Variants in CDH22 observed in about 807,000 individuals in gnomAD.
The protein encoded by CDH22 is cadherin 22.
A neutral mutation model predicts 58.4 loss-of-function variants in CDH22; 30 were observed. The ratio of observed to expected loss-of-function variants is 0.51; its 90% CI spans 0.38 to 0.70. The LOEUF is 0.70. Among genes scored for constraint, CDH22 ranks in the 30% least tolerant of loss-of-function variants. The probability of loss-of-function intolerance (pLI) is 0.00; values close to 1 mark genes in which losing one functional copy is unlikely to be tolerated. For missense variants in CDH22, 1,014 were observed against 1,233.9 expected (o/e 0.82, Z 2.67); for synonymous variants, 513 against 558.2 (o/e 0.92, Z 1.14).
chr20:46,259,099 C>T (rs1452686386), intron 1 of CDH22, among the ~76,000 whole-genome samples: 1 of 152,204 alleles, frequency 6.6e-6, no homozygotes, highest in Non-Finnish European at 1.5e-5. Context: ...TAGAGACATC[C>T]ATTCCTTAAT....
At chr20:46,246,492 G>C (rs529608040) in intron 2 of CDH22, among the ~76,000 whole-genome samples, 1 of 152,280 alleles carries the variant, frequency 6.6e-6, no homozygotes, top group Admixed American at 6.5e-5. Flanking sequence ...GGAAATTATA[G>C]TTCGGAAAAC....
chr20:46,307,937 G>A (rs976554088), intron 1 of CDH22, among the ~76,000 whole-genome samples: 5 of 151,762 alleles, frequency 3.3e-5, no homozygotes, highest in African/African-American at 1.2e-4. Flanking sequence ...CTCGGCCCGC[G>A]GGGGTCCCGG....
intron 7 of CDH22, among the ~76,000 whole-genome samples, chr20:46,208,785 G>T (rs1395062366): frequency 6.6e-6 from 1 of 152,054 alleles, no homozygotes; most frequent in Admixed American, 6.5e-5. Context: ...TAGAGACGGG[G>T]TTTCACCATG....
chr20:46,196,114 G>A (rs910941488), intron 8 of CDH22, among the ~76,000 whole-genome samples: 4 of 152,180 alleles, frequency 2.6e-5, no homozygotes, highest in African/African-American at 7.2e-5. Flanking sequence ...CTGGGAAGCC[G>A]GAGGTCTTGG....
At chr20:46,277,911 G>A (rs566569437) in intron 1 of CDH22, among the ~76,000 whole-genome samples, 6 of 152,150 alleles carry the variant, frequency 3.9e-5, no homozygotes. Context: ...GAGGAAGGCA[G>A]GGCCGAGGGA....
intron 1 of CDH22, among the ~76,000 whole-genome samples, chr20:46,266,883 T>C (rs2086462766): frequency 6.6e-6 from 1 of 150,774 alleles, no homozygotes; most frequent in Non-Finnish European, 1.5e-5. Context: ...AGGATGATAA[T>C]AGTACTAACA....
In CDH22 at chr20:46,227,592, C is replaced by T. The variant is rs1338852723; in HGVS notation, c.586G>A (p.Asp196Asn). The T allele has an allele frequency of 6.2e-7, 1 of 1,613,044 alleles. No homozygotes were observed. ...GCGCTGCTGCCGTACGTGGGGTCATCCGCATCCGAGGCCATCACCTGCATC... is the reference window on the plus strand; with the variant it reads ...GCGCTGCTGCCGTACGTGGGGTCATTCGCATCCGAGGCCATCACCTGCATC... ...SVMQVMASDA[D>N]DPTYGSSARL... Residue 196 changes from aspartate to asparagine, a missense_variant, in exon 4 of 12, where the codon GAT becomes AAT. This residue lies in a region of CDH22 where 806 missense variants were observed against 1,038.7 expected (regional missense o/e 0.78). Coordinates refer to ENST00000537909, the MANE Select transcript of CDH22 (RefSeq NM_021248.3).
intron 1 of CDH22, among the ~76,000 whole-genome samples, chr20:46,264,077 G>T (rs917048590): frequency 6.6e-6 from 1 of 152,192 alleles, no homozygotes; most frequent in African/African-American, 2.4e-5. Flanking sequence ...GAGACATCAA[G>T]AGTGACTCCC....
At position 46,279,222 on chromosome 20, in the gene CDH22, A is replaced by G. The variant is rs576516601; in HGVS notation, c.-399-27529T>C. Among the ~76,000 whole-genome samples the G allele has an allele frequency of 2.0e-5, 3 of 152,346 alleles. No individual in the cohort carries two copies. The South Asian group carries it at 6.2e-4, about 32-fold the overall frequency. The stretch of plus-strand genomic sequence containing the variant: ...AGCTCGGTATATTATAACTATTATC[A>G]TAATTAATAAGCCCCACCCTGGTCC... On this transcript the variant is annotated intron_variant, in intron 1 of 11. Coordinates refer to ENST00000537909, the MANE Select transcript of CDH22 (RefSeq NM_021248.3).
rs1600700932 is a variant in CDH22 at position 46,216,724 on chromosome 20, T to C, written c.838+102A>G. 4.5e-6 allele frequency: 5 copies of C among 1,114,912 alleles called. No individual in the cohort carries two copies. The highest frequency in any genetic ancestry group is 6.5e-6 in the Non-Finnish European group (5 of 763,574). The allele number at this position is 1,114,912 out of a possible 1,614,324, so 69.1% of individuals were successfully genotyped here. A position where few individuals can be genotyped will look rare whatever the true frequency, so the allele number is the denominator to read the frequency against. ...ACAGAAAGAGAGGGGGAAGCCCTTC[T>C]TTTGGTGGGAAGTCTAAAGGGAAGC... On this transcript the variant is annotated intron_variant, in intron 5 of 11. Coordinates refer to ENST00000537909, the MANE Select transcript of CDH22 (RefSeq NM_021248.3). This position sits in a 1 kb window ranked among gnomAD's most constrained non-coding sequence, Gnocchi z 5.3.
At chr20:46,181,749 TTCC>T (rs1165212921) in intron 10 of CDH22, among the ~76,000 whole-genome samples, 10 of 94,804 alleles carry the variant, frequency 1.1e-4, no homozygotes, top group East Asian at 7.2e-4. Context: ...CCTTCCTTCC[TTCC>T]TTCTTTCTTT....
At chr20:46,181,127 G>A (rs113204229) in intron 10 of CDH22, among the ~76,000 whole-genome samples, 22 of 152,072 alleles carry the variant, frequency 1.4e-4, no homozygotes, top group African/African-American at 4.6e-4. Flanking sequence ...CATGCTAGTC[G>A]CCATGAGAAA....
intron 1 of CDH22, among the ~76,000 whole-genome samples, chr20:46,304,196 G>A (rs1392905065): frequency 6.6e-6 from 1 of 152,148 alleles, no homozygotes; most frequent in Non-Finnish European, 1.5e-5. Flanking sequence ...TTCCCCTCCT[G>A]CAGGGGTGCA....
intron 3 of CDH22, among the ~76,000 whole-genome samples, chr20:46,235,171 T>C (rs2086244339): frequency 6.6e-6 from 1 of 152,254 alleles, no homozygotes; most frequent in Non-Finnish European, 1.5e-5. Context: ...AATTTCTCAT[T>C]TCTGTCTTCA....
chr20:46,281,918 C>A (rs188872842), intron 1 of CDH22, among the ~76,000 whole-genome samples: 1 of 152,298 alleles, frequency 6.6e-6, no homozygotes, highest in African/African-American at 2.4e-5. Flanking sequence ...ATGTCTGATG[C>A]GGGTGCTACT....
At chr20:46,272,947 G>T (rs1375896403) in intron 1 of CDH22, among the ~76,000 whole-genome samples, 2 of 152,184 alleles carry the variant, frequency 1.3e-5, no homozygotes, top group African/African-American at 2.4e-5. Flanking sequence ...ATCTGCATAT[G>T]GCTGTGGGTG....
chr20:46,189,604 A>G (rs1368582516), intron 8 of CDH22, among the ~76,000 whole-genome samples: 2 of 152,186 alleles, frequency 1.3e-5, no homozygotes, highest in Non-Finnish European at 2.9e-5. Flanking sequence ...TGAGACCCCC[A>G]TTATAGCACC....
At chr20:46,226,093 T>TC (rs1194227513) in intron 4 of CDH22, among the ~76,000 whole-genome samples, 1 of 151,882 alleles carries the variant, frequency 6.6e-6, no homozygotes, top group African/African-American at 2.4e-5. Context: ...CGACGTCACC[T>TC]CTCAACAAAC....
In CDH22 at chr20:46,216,700, CAGAA is replaced by C; in HGVS notation, c.838+122_838+125del. 2 of 916,458 alleles carry C rather than the reference CAGAA, an allele frequency of 2.2e-6. No homozygotes were observed. Among genetic ancestry groups the C allele is most frequent in the Admixed American group, 2.1e-5 (1 of 48,080 alleles). The allele number at this position is 916,458 out of a possible 1,614,324, so 56.8% of individuals were successfully genotyped here. On this transcript the variant is annotated intron_variant, in intron 5 of 11. Coordinates refer to ENST00000537909, the MANE Select transcript of CDH22 (RefSeq NM_021248.3). The surrounding 1 kb of genome is among the most constrained non-coding windows in gnomAD (Gnocchi z 5.3). ...TGGCTTGGGAGGACAGACAGACAGA[CAGAA>C]AGAGAGGGGGAAGCCCTTCTTTTGG...
Sources: gnomAD v4.1 joint callset for allele counts (sites outside exome capture counted in the v4.1 genomes callset) on GRCh38, gnomAD v4.1.1 for gene constraint, gnomAD v4.1.1 regional missense constraint, Gnocchi (gnomAD v3.1) non-coding constraint, MANE v1.5 for transcripts, NCBI Gene and HGNC (gene_info 2026-07-23, HGNC 2026-07-21) for gene names.